The following ZFPM2 variants were observed in gnomAD, a reference collection of about 807,000 sequenced individuals.
ZFPM2 encodes zinc finger protein, FOG family member 2.
ZFPM2 carries 20 observed loss-of-function variants against 98.6 expected under a neutral mutation model. The observed-to-expected ratio is 0.20, with a 90% CI of 0.14 to 0.29. The LOEUF (loss-of-function observed/expected upper bound fraction) is 0.29. Among genes scored for constraint, ZFPM2 ranks in the 10% least tolerant of loss-of-function variants. ZFPM2 has a pLI of 1.00. For synonymous variants in ZFPM2, 518 were observed against 502.7 expected, an observed-to-expected ratio of 1.03 and a Z score of -0.41; for missense variants, 1,310 against 1,388.6, an observed-to-expected ratio of 0.94 and a Z score of 0.90.
intron 1 of ZFPM2, among the ~76,000 whole-genome samples, chr8:105,348,078 A>T (rs1331300732): frequency 6.6e-6 from 1 of 152,132 alleles, no homozygotes; most frequent in African/African-American, 2.4e-5. Flanking sequence ...CGACTGATAG[A>T]AGCAAGTTCT....
chr8:105,641,296 G>A (rs1403431986), intron 5 of ZFPM2, among the ~76,000 whole-genome samples: 2 of 152,018 alleles, frequency 1.3e-5, no homozygotes, highest in South Asian at 2.1e-4. Context: ...TATTAATGAT[G>A]GTGGTATAAC....
intron 3 of ZFPM2, among the ~76,000 whole-genome samples, chr8:105,471,986 G>A (rs1231961170): frequency 2.0e-5 from 3 of 152,076 alleles, no homozygotes; most frequent in Non-Finnish European, 4.4e-5. Context: ...GTGGTCGGTG[G>A]ATTACTTGAG....
chr8:105,614,662 T>C (rs1457973672), intron 4 of ZFPM2, among the ~76,000 whole-genome samples: 1 of 152,116 alleles, frequency 6.6e-6, no homozygotes, highest in African/African-American at 2.4e-5. Flanking sequence ...TCGAGTCTTA[T>C]TGGAACGCGG....
intron 1 of ZFPM2, among the ~76,000 whole-genome samples, chr8:105,334,660 A>G (rs552693290): frequency 1.3e-5 from 2 of 151,590 alleles, no homozygotes; most frequent in Non-Finnish European, 3.0e-5. Flanking sequence ...TATCTCCACG[A>G]TGTTGTTTTC....
intron 1 of ZFPM2, among the ~76,000 whole-genome samples, chr8:105,372,035 ATTATTATTATTATTTTAT>A (rs1810633039): frequency 1.6e-5 from 1 of 63,278 alleles, no homozygotes; most frequent in Non-Finnish European, 3.4e-5. Flanking sequence ...TATTATTATT[ATTATTATTATTATTTTAT>A]TTTTTTTGAG....
At chr8:105,415,580 T>C (rs1811665226) in intron 1 of ZFPM2, among the ~76,000 whole-genome samples, 1 of 152,028 alleles carries the variant, frequency 6.6e-6, no homozygotes, top group African/African-American at 2.4e-5. Context: ...ACACAGGAGT[T>C]TCCTTCATTC....
At chr8:105,680,365 C>T (rs1810574463) in intron 5 of ZFPM2, among the ~76,000 whole-genome samples, 2 of 152,154 alleles carry the variant, frequency 1.3e-5, no homozygotes, top group South Asian at 4.1e-4. Flanking sequence ...AAATAGCAAT[C>T]AGAAAATTCT....
intron 5 of ZFPM2, among the ~76,000 whole-genome samples, chr8:105,761,986 T>C (rs1812743138): frequency 6.6e-6 from 1 of 152,000 alleles, no homozygotes; most frequent in Non-Finnish European, 1.5e-5. Context: ...AGATTCTTTT[T>C]GTACTGCTCT....
intron 5 of ZFPM2, among the ~76,000 whole-genome samples, chr8:105,728,222 A>G (rs1438430289): frequency 1.3e-5 from 2 of 151,062 alleles, no homozygotes; most frequent in African/African-American, 4.9e-5. Context: ...TATAGACCCT[A>G]TGATGGAATT....
At chr8:105,534,414 CCTTCCTCT>C (rs1482987398) in intron 3 of ZFPM2, among the ~76,000 whole-genome samples, 2 of 148,524 alleles carry the variant, frequency 1.3e-5, no homozygotes, top group African/African-American at 2.5e-5. Context: ...TTCCTTCCTT[CCTTCCTCT>C]CTTCCTCCTT....
At chr8:105,586,848 T>TTA (rs35303072) in intron 4 of ZFPM2, among the ~76,000 whole-genome samples, 1,893 of 146,990 alleles carry the variant, frequency 0.013, 14 homozygotes, top group Non-Finnish European at 0.018. Context: ...TATAAATATT[T>TTA]TATATATATA....
intron 3 of ZFPM2, among the ~76,000 whole-genome samples, chr8:105,518,752 T>C (rs769373676): frequency 1.3e-5 from 2 of 152,254 alleles, no homozygotes; most frequent in Non-Finnish European, 2.9e-5. Flanking sequence ...CAAGATAATG[T>C]AGTATTCTCT....
intron 2 of ZFPM2, among the ~76,000 whole-genome samples, chr8:105,437,004 C>T (rs1221103694): frequency 6.6e-6 from 1 of 151,974 alleles, no homozygotes; most frequent in Admixed American, 6.6e-5. Flanking sequence ...TTTCTACATC[C>T]AAATTTATCA....
chr8:105,757,772 TTCTCCTCC>T lies in ZFPM2; in HGVS notation c.533-30943_533-30936del, dbSNP rs559743646. Among the ~76,000 whole-genome samples the T allele has an allele frequency of 1.0e-3, 156 of 152,292 alleles. 1 individual carries two copies. Among genetic ancestry groups the T allele is most frequent in the Admixed American group, 9.9e-3 (151 of 15,286 alleles). ...TTTATTCTACTTTCACCTCCTTTGA[TTCTCCTCC>T]TCGTTCTGGGCTTCTGGTGTTGTGA... On this transcript the variant is annotated intron_variant, in intron 5 of 7. Coordinates refer to ENST00000407775, the MANE Select transcript of ZFPM2 (RefSeq NM_012082.4).
chr8:105,577,283 G>A (rs1197414271), intron 4 of ZFPM2, among the ~76,000 whole-genome samples: 2 of 152,082 alleles, frequency 1.3e-5, no homozygotes, highest in African/African-American at 4.8e-5. Context: ...ATATTTTTAA[G>A]TAAACCTAAC....
chr8:105,525,848 TTAAAA>T (rs989529275), intron 3 of ZFPM2, among the ~76,000 whole-genome samples: 1 of 152,162 alleles, frequency 6.6e-6, no homozygotes, highest in Non-Finnish European at 1.5e-5. Flanking sequence ...TCCACAGCAA[TTAAAA>T]TAAAGCACTT....
intron 5 of ZFPM2, among the ~76,000 whole-genome samples, chr8:105,658,308 G>GCATCACTAGATTTTCCTGTA (rs1563508727): frequency 1.7e-5 from 2 of 114,534 alleles, no homozygotes; most frequent in South Asian, 2.4e-4. Flanking sequence ...AAAGCAGACG[G>GCATCACTAGATTTTCCTGTA]CCGGGCGCGG....
intron 5 of ZFPM2, among the ~76,000 whole-genome samples, chr8:105,710,141 A>T (rs1207134617): frequency 6.6e-6 from 1 of 152,088 alleles, no homozygotes; most frequent in African/African-American, 2.4e-5. Flanking sequence ...GAGATAAAAA[A>T]AACTTTACGT....
intron 5 of ZFPM2, among the ~76,000 whole-genome samples, chr8:105,780,970 A>G (rs992014433): frequency 1.4e-4 from 22 of 152,260 alleles, no homozygotes; most frequent in Non-Finnish European, 2.9e-5. Context: ...CCTGTGAAAC[A>G]TTTGATCATC....
Sources: gnomAD v4.1 joint callset for allele counts (sites outside exome capture counted in the v4.1 genomes callset) on GRCh38, gnomAD v4.1.1 for gene constraint, MANE v1.5 for transcripts, NCBI Gene and HGNC (gene_info 2026-07-23, HGNC 2026-07-21) for gene names.